Variants in ATP6V1E2 observed in about 807,000 individuals in gnomAD.
ATP6V1E2 encodes the protein ATPase H+ transporting V1 subunit E2, also known as V-type proton ATPase subunit E 2.
For synonymous variants in ATP6V1E2, 121 were observed against 104.2 expected, an observed-to-expected ratio of 1.16 and a Z score of -0.98; for missense variants, 308 against 273.3, an observed-to-expected ratio of 1.13 and a Z score of -0.90.
At chr2:46,523,012 A>T (rs527976267) in intron 4 of ATP6V1E2, among the ~76,000 whole-genome samples, 1 of 151,698 alleles carries the variant, frequency 6.6e-6, no homozygotes, top group Non-Finnish European at 1.5e-5. Flanking sequence ...GCTTTTTTTC[A>T]TATGTTCATT....
rs778099962 is a variant in ATP6V1E2, at chr2:46,512,028, G to C, written c.*3C>G. The C allele has an allele frequency of 1.3e-6, 2 of 1,577,730 alleles. No individual in the cohort carries two copies. The highest frequency in any genetic ancestry group is 4.5e-5 in the East Asian group (2 of 44,620). On this transcript the variant is annotated 3_prime_UTR_variant, in exon 5 of 5. Coordinates refer to ENST00000522587, the MANE Select transcript of ATP6V1E2 (RefSeq NM_001318063.2). ...TTCAACACTAGCTTCACTTCCCAGA[G>C]GCTTATATAAAGAACTTTCTGTTGG...
intron 4 of ATP6V1E2, chr2:46,534,780 G>A (rs1159392761): frequency 2.1e-5 from 3 of 141,762 alleles, no homozygotes; most frequent in Non-Finnish European, 4.6e-5. Context: ...TTACCCTTTT[G>A]GGATTTCTAC....
At chr2:46,521,852 G>A (rs553710904) in intron 4 of ATP6V1E2, among the ~76,000 whole-genome samples, 8 of 152,044 alleles carry the variant, frequency 5.3e-5, no homozygotes, top group South Asian at 2.1e-4. Context: ...CACCACACCC[G>A]GCTAATTTTT....
At chr2:46,541,623 C>G (rs1292417753) in intron 1 of ATP6V1E2, 170 bp from the exon 2 acceptor site, 1 of 152,278 alleles carries the variant, frequency 6.6e-6, no homozygotes, top group Non-Finnish European at 1.5e-5. Flanking sequence ...TCCGCGCTGC[C>G]TCTCAATGCT....
intron 4 of ATP6V1E2, among the ~76,000 whole-genome samples, chr2:46,525,052 G>A (rs1485505886): frequency 1.3e-5 from 2 of 152,164 alleles, no homozygotes; most frequent in African/African-American, 4.8e-5. Context: ...CGAGGGCCAG[G>A]ACACAAGACA....
At chr2:46,541,932 G>A (rs774765440) in intron 1 of ATP6V1E2, 1 of 152,302 alleles carries the variant, frequency 6.6e-6, no homozygotes, top group African/African-American at 2.4e-5. Context: ...AGGCGACCTC[G>A]GAGAATGTGG....
chr2:46,532,869 C>T (rs1463126230), intron 4 of ATP6V1E2, among the ~76,000 whole-genome samples: 1 of 152,086 alleles, frequency 6.6e-6, no homozygotes, highest in Admixed American at 6.6e-5. Flanking sequence ...GCTATGACAG[C>T]AGGAAGAGAC....
chr2:46,533,834 T>C (rs1280162220), intron 4 of ATP6V1E2, among the ~76,000 whole-genome samples: 1 of 152,250 alleles, frequency 6.6e-6, no homozygotes, highest in African/African-American at 2.4e-5. Flanking sequence ...CTGGTGGATA[T>C]AGAATTCTAG....
intron 4 of ATP6V1E2, among the ~76,000 whole-genome samples, chr2:46,518,300 T>C (rs1666396823): frequency 6.6e-6 from 1 of 151,976 alleles, no homozygotes; most frequent in Non-Finnish European, 1.5e-5. Flanking sequence ...GTAGTCAAAC[T>C]CATGGAACCA....
rs1206911207 is a variant in ATP6V1E2, at chr2:46,512,570, T to C, written c.142A>G (p.Thr48Ala). 2.5e-6 allele frequency: 4 copies of C among 1,614,218 alleles called. No individual in the cohort carries two copies. The highest frequency in any genetic ancestry group is 3.3e-5 in the Admixed American group (2 of 60,026). The change falls in exon 5 of 5, where the codon ACC becomes GCC. Residue 48 changes from threonine (T) to alanine (A), a missense_variant. Thr to Ala is a moderately conservative substitution (Grantham distance 58). Coordinates refer to ENST00000522587, the MANE Select transcript of ATP6V1E2 (RefSeq NM_001318063.2). The part of the protein sequence containing the change: ...FNIEKGRLVQ[T>A]QRLKIMEYYE... ...TACTCCATAATCTTCAGTCGTTGGG[T>C]TTGCACGAGGCGTCCTTTCTCAATG...
Position 46,522,128 on chromosome 2 carries a change from T to C in ATP6V1E2, c.-101-9316A>G, listed in dbSNP as rs118143309. 2.7e-3 allele frequency among the ~76,000 whole-genome samples: 400 copies of C among 146,300 alleles called. 13 individuals carry two copies. The South Asian group carries it at 0.061, about 22-fold the overall frequency. On this transcript the variant is annotated intron_variant, in intron 4 of 4. Transcript: ENST00000522587. Reference sequence around the variant, plus strand: ...CACAGTGGGACCACATCTCTACAAATTTTTTTTTTTAATTAGCCAGGAATG... The same window carrying C: ...CACAGTGGGACCACATCTCTACAAACTTTTTTTTTTAATTAGCCAGGAATG...
intron 4 of ATP6V1E2, among the ~76,000 whole-genome samples, chr2:46,516,740 T>TAA (rs36060544): frequency 8.0e-5 from 12 of 150,802 alleles, no homozygotes; most frequent in South Asian, 2.1e-4. Context: ...AACTCTATAT[T>TAA]AAAAAAAAAA....
intron 3 of ATP6V1E2, among the ~76,000 whole-genome samples, chr2:46,536,307 A>G (rs1001395736): frequency 4.6e-5 from 7 of 152,252 alleles, no homozygotes; most frequent in Admixed American, 3.3e-4. Flanking sequence ...GGATTTATTT[A>G]TCAGCGTGAT....
chr2:46,525,291 T>A (rs1303659143), intron 4 of ATP6V1E2, among the ~76,000 whole-genome samples: 1 of 149,206 alleles, frequency 6.7e-6, no homozygotes, highest in African/African-American at 2.4e-5. Context: ...TGAAACCCCG[T>A]CTCTACTAAA....
intron 4 of ATP6V1E2, among the ~76,000 whole-genome samples, chr2:46,525,850 T>A (rs1452539078): frequency 6.6e-6 from 1 of 151,446 alleles, no homozygotes; most frequent in Non-Finnish European, 1.5e-5. Context: ...TCCCCAAGAG[T>A]CATTTGCTTC....
intron 4 of ATP6V1E2, among the ~76,000 whole-genome samples, chr2:46,526,885 TA>T (rs1189491901): frequency 6.6e-6 from 1 of 152,170 alleles, no homozygotes; most frequent in East Asian, 1.9e-4. Context: ...TTCTTTGGGG[TA>T]TATGCCTAGA....
chr2:46,513,720 G>T (rs1261777120), intron 4 of ATP6V1E2, among the ~76,000 whole-genome samples: 6 of 152,130 alleles, frequency 3.9e-5, no homozygotes, highest in Non-Finnish European at 8.8e-5. Context: ...AGCTACTCAG[G>T]GGGCTGAGGC....
At chr2:46,540,445 AAAAAAGAAAGAAAAAG>A (rs1208837337) in intron 2 of ATP6V1E2, among the ~76,000 whole-genome samples, 2 of 150,708 alleles carry the variant, frequency 1.3e-5, no homozygotes, top group Non-Finnish European at 3.0e-5. Flanking sequence ...TCAAAAAAAA[AAAAAAGAAAGAAAAAG>A]AAAAAGAAAT....
Position 46,518,758 on chromosome 2 carries a change from T to TTGTGTGTGTGTGTGTG in ATP6V1E2, c.-101-5962_-101-5947dup, listed in dbSNP as rs70940621. ...TGCTCCTAAATAAGACAAGTCAATT[T>TTGTGTGTGTGTGTGTG]TGTGTGTGTGTGTGTGTGTGTGTGT... On this transcript the variant is annotated intron_variant, in intron 4 of 4. Transcript: ENST00000522587. Among the ~76,000 whole-genome samples, 114 of 140,694 alleles carry TTGTGTGTGTGTGTGTG rather than the reference T, an allele frequency of 8.1e-4. 2 individuals are homozygous for TTGTGTGTGTGTGTGTG. The highest frequency in any genetic ancestry group is 3.8e-3 in the Middle Eastern group (1 of 264). The allele number at this position is 140,694 out of a possible 152,430, so 92.3% of individuals were successfully genotyped here.
Sources: gnomAD v4.1 joint callset for allele counts (sites outside exome capture counted in the v4.1 genomes callset) on GRCh38, gnomAD v4.1.1 for gene constraint, MANE v1.5 for transcripts, NCBI Gene and HGNC (gene_info 2026-07-23, HGNC 2026-07-21) for gene names.